The following SPEN variants were observed in gnomAD, a reference collection of about 807,000 sequenced individuals.
SPEN encodes msx2-interacting protein.
SPEN carries 18 observed loss-of-function variants against 269.9 expected under a neutral mutation model. That is an observed-to-expected ratio of 0.07 (90% CI 0.05 to 0.10). The LOEUF (loss-of-function observed/expected upper bound fraction) is 0.10. Among genes scored for constraint, SPEN ranks in the 10% least tolerant of loss-of-function variants. SPEN has a pLI of 1.00. For synonymous variants in SPEN, 1,726 were observed against 1,765.7 expected (o/e 0.98, Z 0.56); for missense variants, 3,822 against 4,631.2 (o/e 0.83, Z 5.07).
At position 15,937,026 on chromosome 1, in the gene SPEN, G is replaced by C. The variant is rs2071281750; in HGVS notation, c.10027-137G>C. ...CCCGAAAGCAGCTCCGTTGATTCAG[G>C]CTCCTTCTGTGGGCCTGACTTAACG... On this transcript the variant is annotated intron_variant, in intron 11 of 14. Coordinates refer to ENST00000375759, the MANE Select transcript of SPEN (RefSeq NM_015001.3). The surrounding 1 kb of genome is among the most constrained non-coding windows in gnomAD (Gnocchi z 5.7). 7.6e-7 allele frequency: 1 copy of C among 1,313,272 alleles called. No homozygotes were observed. The highest frequency in any genetic ancestry group is 2.3e-5 in the Admixed American group (1 of 44,318). 81.4% of individuals were successfully genotyped at this position (1,313,272 alleles called of 1,614,324 possible). A position where few individuals can be genotyped will look rare whatever the true frequency, so the allele number is the denominator to read the frequency against.
At position 15,897,361 on chromosome 1, in the gene SPEN, C is replaced by CT. The variant is rs2070852455; in HGVS notation, c.882-11957dup. Among the ~76,000 whole-genome samples, 3 of 148,784 alleles carry CT rather than the reference C, an allele frequency of 2.0e-5. No homozygotes were observed. The South Asian group carries it at 6.4e-4, about 32-fold the overall frequency. The stretch of plus-strand genomic sequence containing the variant: ...ACGCCATCATGCCTGGCTAATTTTT[C>CT]TTTCTTTTTTTTTTTTTTGAGACGG... On this transcript the variant is annotated intron_variant, in intron 3 of 14. Transcript: ENST00000375759.
chr1:15,873,388 T>G, intron 2 of SPEN: 3 of 1,198,502 alleles, frequency 2.5e-6, no homozygotes, highest in Non-Finnish European at 3.1e-6. Flanking sequence ...GGAAGCTTCA[T>G]TTTTGGAGTT....
intron 3 of SPEN, among the ~76,000 whole-genome samples, chr1:15,887,899 A>G (rs1427016633): frequency 6.6e-6 from 1 of 150,584 alleles, no homozygotes; most frequent in Non-Finnish European, 1.5e-5. Flanking sequence ...GGTATGGTGG[A>G]CGCCTATAAT....
rs567727770 is a variant in SPEN at position 15,859,665 on chromosome 1, G to A, written c.83+11515G>A. 1.6e-4 allele frequency among the ~76,000 whole-genome samples: 24 copies of A among 152,012 alleles called. No homozygotes were observed. In the South Asian group the frequency reaches 1.7e-3, roughly 11 times the overall value. ...ATTACAGGCTTGAGCCACTGTGCCC[G>A]GCCTGAAAAGGAACTTTCATCACAG... On this transcript the variant is annotated intron_variant, in intron 1 of 14. Transcript: ENST00000375759.
intron 1 of SPEN, among the ~76,000 whole-genome samples, chr1:15,871,595 G>A (rs1364065391): frequency 6.6e-6 from 1 of 152,030 alleles, no homozygotes; most frequent in Non-Finnish European, 1.5e-5. Context: ...CACCCAGCCT[G>A]TATAAATAAT....
At position 15,929,308 on chromosome 1, in the gene SPEN, C is replaced by T. The variant is rs767969722; in HGVS notation, c.3068C>T (p.Ser1023Phe). ...RVLSKKQPDV[S>F]SREVILLREG... Reference sequence around the variant, plus strand: ...CTTTCAAAAAAGCAGCCTGACGTGTCCTCTAGAGAGGTCATTCTGCTGAGG... The same window carrying T: ...CTTTCAAAAAAGCAGCCTGACGTGTTCTCTAGAGAGGTCATTCTGCTGAGG... The change falls in exon 11 of 15, where the codon TCC (serine) becomes TTC (phenylalanine). Residue 1023 changes from serine to phenylalanine, a missense_variant. Physicochemically the swap from Ser to Phe is radical, Grantham distance 155. This residue lies in a region of SPEN where 572 missense variants were observed against 582.6 expected (regional missense o/e 0.98). Transcript: ENST00000375759. This position sits in a 1 kb window ranked among gnomAD's most constrained non-coding sequence, Gnocchi z 5.8. The T allele has an allele frequency of 5.6e-6, 9 of 1,613,998 alleles. No homozygotes were observed. Among genetic ancestry groups the T allele is most frequent in the Non-Finnish European group, 7.6e-6 (9 of 1,180,014 alleles).
At position 15,928,163 on chromosome 1, in the gene SPEN, T is replaced by C. The variant is rs1405466107; in HGVS notation, c.1923T>C (p.Thr641=). Residue 641 remains threonine, a synonymous_variant, in exon 11 of 15, where the codon ACT becomes ACC. Transcript: ENST00000375759. This position sits in a 1 kb window ranked among gnomAD's most constrained non-coding sequence, Gnocchi z 5.7. ...ATGAGAGTGTTCGAACTCCAGGCAC[T>C]TATCCTGAGGATTCCAGGCGGGACT... The part of the protein sequence containing the change: ...TYYESVRTPG[T]YPEDSRRDYP... The C allele has an allele frequency of 1.2e-6, 2 of 1,614,176 alleles. No individual in the cohort carries two copies. The highest frequency in any genetic ancestry group is 4.5e-5 in the East Asian group (2 of 44,878).
chr1:15,933,731 G>A lies in SPEN; in HGVS notation c.7491G>A (p.Lys2497=), dbSNP rs2071245815. 1 of 1,614,128 alleles carries A rather than the reference G, an allele frequency of 6.2e-7. No homozygotes were observed. The highest frequency in any genetic ancestry group is 2.2e-5 in the East Asian group (1 of 44,880). The change falls in exon 11 of 15, where the codon AAG becomes AAA. Residue 2497 remains lysine (K), a synonymous_variant. Transcript: ENST00000375759. This position sits in a 1 kb window ranked among gnomAD's most constrained non-coding sequence, Gnocchi z 5.7. ...TCCCACACCAGAGCCCCCCTACTAAGGTGACAGAGTGGATCACAAGGCAGG... is the reference window on the plus strand; with the variant it reads ...TCCCACACCAGAGCCCCCCTACTAAAGTGACAGAGTGGATCACAAGGCAGG... ...GGIPHQSPPT[K]VTEWITRQEE...
Position 15,936,280 on chromosome 1 carries a change from G to C in SPEN, c.10026+14G>C, listed in dbSNP as rs766141744. 2 of 1,527,902 alleles carry C rather than the reference G, an allele frequency of 1.3e-6. No individual in the cohort carries two copies. The highest frequency in any genetic ancestry group is 1.8e-6 in the Non-Finnish European group (2 of 1,130,856). The allele number at this position is 1,527,902 out of a possible 1,614,324, so 94.6% of individuals were successfully genotyped here. A position where few individuals can be genotyped will look rare whatever the true frequency, so the allele number is the denominator to read the frequency against. On this transcript the variant is annotated intron_variant, in intron 11 of 14. Transcript: ENST00000375759. ...ACAGCTGCTCAGGTGAGCCAGCCAG[G>C]TATCTCCCCACTGTCTGTTGGGCAT...
intron 1 of SPEN, among the ~76,000 whole-genome samples, chr1:15,862,938 T>C (rs1457118066): frequency 6.6e-6 from 1 of 152,096 alleles, no homozygotes; most frequent in Non-Finnish European, 1.5e-5. Context: ...ACTTTTTGTA[T>C]TTTTAGTAGA....
chr1:15,922,953 C>T (rs1199196652), intron 10 of SPEN, among the ~76,000 whole-genome samples: 2 of 152,110 alleles, frequency 1.3e-5, no homozygotes, highest in African/African-American at 4.8e-5. Flanking sequence ...AATCATCTTG[C>T]TTACAGTTAC....
rs756142392 is a variant in SPEN, at chr1:15,930,305, C to T, written c.4065C>T (p.Phe1355=). The change falls in exon 11 of 15, where the codon TTC becomes TTT. Residue 1355 remains phenylalanine (F), a synonymous_variant. Coordinates refer to ENST00000375759, the MANE Select transcript of SPEN (RefSeq NM_015001.3). The surrounding 1 kb of genome is among the most constrained non-coding windows in gnomAD (Gnocchi z 5.3). ...KQDAGRFDVS[F]PNSIIKRDSL... ...ATGCTGGCAGATTTGATGTGAGTTT[C>T]CCAAACAGCATAATTAAGAGAGATA... The T allele has an allele frequency of 1.9e-6, 3 of 1,614,136 alleles. No individual in the cohort carries two copies. Among genetic ancestry groups the T allele is most frequent in the Non-Finnish European group, 1.7e-6 (2 of 1,180,026 alleles).
In SPEN at chr1:15,937,537, C is replaced by T. The variant is rs1251701735; in HGVS notation, c.10401C>T (p.Thr3467=). The T allele has an allele frequency of 2.9e-5, 47 of 1,614,152 alleles. No individual in the cohort carries two copies. The highest frequency in any genetic ancestry group is 3.9e-5 in the Non-Finnish European group (46 of 1,180,026). The change falls in exon 12 of 15, where the codon ACC becomes ACT. Residue 3467 remains threonine, a synonymous_variant. Coordinates refer to ENST00000375759, the MANE Select transcript of SPEN (RefSeq NM_015001.3). This position sits in a 1 kb window ranked among gnomAD's most constrained non-coding sequence, Gnocchi z 5.7. ...LFVPTTSGPS[T]PPGLVLPHTE... is the part of the protein sequence containing the mutation. ...TCCCAACAACCTCTGGCCCCAGCACCCCACCAGGACTGGTTCTGCCACACA... is the reference window on the plus strand; with the variant it reads ...TCCCAACAACCTCTGGCCCCAGCACTCCACCAGGACTGGTTCTGCCACACA...
At chr1:15,918,872 T>G in intron 6 of SPEN, 54 bp from the exon 7 acceptor site, 2 of 1,487,092 alleles carry the variant, frequency 1.3e-6, no homozygotes, top group Non-Finnish European at 1.8e-6. Context: ...ACTTGGTTCA[T>G]TCTAATTTAT....
intron 3 of SPEN, among the ~76,000 whole-genome samples, chr1:15,888,636 C>G (rs1334194891): frequency 6.8e-6 from 1 of 147,198 alleles, no homozygotes; most frequent in East Asian, 2.1e-4. Context: ...AGTATGTAAA[C>G]TCTTTTTTTT....
At position 15,938,725 on chromosome 1, in the gene SPEN, C is replaced by T. The variant is rs781581938; in HGVS notation, c.10712C>T (p.Thr3571Ile). ...AGCTGGCCTCTGCCTCAGGTGGAGA[C>T]AGATTACTGTCTGCTGCTGGCTCTG... Reference protein sequence around the residue: ...EGVARRMTVETDYCLLLALPC... With the variant: ...EGVARRMTVEIDYCLLLALPC... The change falls in exon 14 of 15, where the codon ACA (threonine) becomes ATA (isoleucine). Residue 3571 changes from threonine to isoleucine, a missense_variant. By Grantham distance (89) the Thr-to-Ile change is moderately conservative. Transcript: ENST00000375759. 17 of 1,613,292 alleles carry T rather than the reference C, an allele frequency of 1.1e-5. No homozygotes were observed. Among genetic ancestry groups the T allele is most frequent in the Non-Finnish European group, 1.3e-5 (15 of 1,179,780 alleles).
chr1:15,862,096 C>T (rs947406352), intron 1 of SPEN, among the ~76,000 whole-genome samples: 4 of 152,034 alleles, frequency 2.6e-5, no homozygotes, highest in Non-Finnish European at 5.9e-5. Context: ...CATTCTTGGC[C>T]TTTTGAGGGA....
In SPEN at chr1:15,933,152, TAGC is replaced by T. The variant is rs201824165; in HGVS notation, c.6915_6917del (p.Ser2306del). The T allele has an allele frequency of 2.2e-3, 3,604 of 1,614,044 alleles. 63 individuals are homozygous for T. In the Admixed American group the frequency reaches 0.039, roughly 17 times the overall value. ...CAGATACCAAGGAAGCCAGAGGAAA[TAGC>T]AGTGAAACCTCACACTCAGTGCCAG... On this transcript the variant is annotated inframe_deletion, in exon 11 of 15. Transcript: ENST00000375759. The surrounding 1 kb of genome is among the most constrained non-coding windows in gnomAD (Gnocchi z 5.7).
At position 15,936,216 on chromosome 1, in the gene SPEN, C is replaced by G. The variant is rs1207710170; in HGVS notation, c.9976C>G (p.Pro3326Ala). The change falls in exon 11 of 15, where the codon CCC (proline) becomes GCC (alanine). Residue 3326 changes from proline (P) to alanine (A), a missense_variant. Transcript: ENST00000375759. The part of the protein sequence containing the change: ...PPAQLTHTQF[P>A]AASSVGLPSR... ...GGCCCAGCTCACACACACTCAGTTT[C>G]CCGCCGCTTCCTCTGTTGGCCTGCC... 3 of 1,564,628 alleles carry G rather than the reference C, an allele frequency of 1.9e-6. No individual in the cohort carries two copies. Among genetic ancestry groups the G allele is most frequent in the Non-Finnish European group, 2.6e-6 (3 of 1,148,678 alleles).
Sources: gnomAD v4.1 joint callset for allele counts (sites outside exome capture counted in the v4.1 genomes callset) on GRCh38, gnomAD v4.1.1 for gene constraint, gnomAD v4.1.1 regional missense constraint, Gnocchi (gnomAD v3.1) non-coding constraint, MANE v1.5 for transcripts, NCBI Gene and HGNC (gene_info 2026-07-23, HGNC 2026-07-21) for gene names.